GPC5: variants seen among roughly 807,000 people sequenced by gnomAD.
The protein encoded by GPC5 is glypican-5.
GPC5 carries 47 observed loss-of-function variants against 53.9 expected under a neutral mutation model. The ratio of observed to expected loss-of-function variants is 0.87; its 90% CI spans 0.69 to 1.11. GPC5 has a LOEUF of 1.11. Among genes scored for constraint, GPC5 ranks in the 50% most tolerant of loss-of-function variants. GPC5 has a pLI of 0.00. For synonymous variants in GPC5, 286 were observed against 263.3 expected (o/e 1.09, Z -0.84); for missense variants, 748 against 713.1 (o/e 1.05, Z -0.56).
intron 7 of GPC5, chr13:92,701,428 C>A (rs1887735017): frequency 6.6e-6 from 1 of 152,042 alleles, no homozygotes; most frequent in Non-Finnish European, 1.5e-5. Context: ...TTTACAAAAT[C>A]CAGATATTAT....
intron 7 of GPC5, among the ~76,000 whole-genome samples, chr13:92,555,750 T>C (rs1167495770): frequency 1.3e-5 from 2 of 149,718 alleles, no homozygotes; most frequent in Non-Finnish European, 3.0e-5. Flanking sequence ...TATACATTAA[T>C]ACAGTAGATA....
intron 7 of GPC5, among the ~76,000 whole-genome samples, chr13:92,676,421 A>G (rs1459255250): frequency 1.3e-5 from 2 of 152,202 alleles, no homozygotes; most frequent in African/African-American, 4.8e-5. Flanking sequence ...CATCACAGTA[A>G]GATATTGCTG....
chr13:91,854,699 A>G (rs932475016), intron 5 of GPC5, among the ~76,000 whole-genome samples: 1 of 151,840 alleles, frequency 6.6e-6, no homozygotes, highest in East Asian at 1.9e-4. Context: ...TAGAAATTAA[A>G]TTCATTTTTA....
chr13:92,259,547 A>T (rs9523558), intron 7 of GPC5, among the ~76,000 whole-genome samples: 87,301 of 151,872 alleles, frequency 0.57, 25,293 homozygotes, highest in South Asian at 0.65. Flanking sequence ...TGAATAGTCT[A>T]CCCTATCATT....
intron 7 of GPC5, among the ~76,000 whole-genome samples, chr13:92,472,581 G>T (rs1180245811): frequency 6.6e-6 from 1 of 152,054 alleles, no homozygotes; most frequent in Non-Finnish European, 1.5e-5. Flanking sequence ...GTCAGTCAAT[G>T]AATACTTTAC....
chr13:92,482,583 A>G (rs750249006), intron 7 of GPC5, among the ~76,000 whole-genome samples: 3 of 152,144 alleles, frequency 2.0e-5, no homozygotes, highest in Non-Finnish European at 4.4e-5. Context: ...TTCCCCCCTT[A>G]AATACTACTA....
chr13:91,593,841 G>A (rs1293515021), intron 2 of GPC5, among the ~76,000 whole-genome samples: 2 of 151,070 alleles, frequency 1.3e-5, no homozygotes, highest in African/African-American at 4.9e-5. Flanking sequence ...AATAATGTGT[G>A]GCCTGATAAA....
chr13:92,818,190 C>G lies in GPC5; in HGVS notation c.1562-48092C>G, dbSNP rs114930778. 8.3e-4 allele frequency among the ~76,000 whole-genome samples: 126 copies of G among 151,424 alleles called. 1 individual carries two copies. The highest frequency in any genetic ancestry group is 2.9e-3 in the African/African-American group (120 of 41,180). ...ACTGCACCTGGCTAATTTTTGTCTT[C>G]AGTAAAGATGGGGTTCACCATATTG... On this transcript the variant is annotated intron_variant, in intron 7 of 7. Transcript: ENST00000377067.
At chr13:92,793,021 T>C (rs1426127892) in intron 7 of GPC5, among the ~76,000 whole-genome samples, 1 of 152,148 alleles carries the variant, frequency 6.6e-6, no homozygotes, top group Non-Finnish European at 1.5e-5. Flanking sequence ...AACTCAGCTC[T>C]GCACCAAGCT....
chr13:91,642,596 A>ACCAACAATT (rs1242459597), intron 2 of GPC5, among the ~76,000 whole-genome samples: 1 of 152,130 alleles, frequency 6.6e-6, no homozygotes, highest in African/African-American at 2.4e-5. Flanking sequence ...ATTTGGTGAC[A>ACCAACAATT]TGGAGGTGAT....
chr13:91,399,266 C>A (rs571095395), intron 1 of GPC5, 57 bp downstream of exon 1: 149 of 1,564,406 alleles, frequency 9.5e-5, no homozygotes, highest in Middle Eastern at 1.8e-4. Flanking sequence ...GCCTTCGCTC[C>A]CCCAGGCTCC....
chr13:92,188,007 GA>G, intron 7 of GPC5, among the ~76,000 whole-genome samples: 1 of 152,082 alleles, frequency 6.6e-6, no homozygotes, highest in East Asian at 1.9e-4. Flanking sequence ...ATTTCATTCT[GA>G]AACCCATTTA....
At chr13:92,499,099 A>G (rs1171246193) in intron 7 of GPC5, among the ~76,000 whole-genome samples, 1 of 152,164 alleles carries the variant, frequency 6.6e-6, no homozygotes, top group South Asian at 2.1e-4. Flanking sequence ...TGTCCTTAAC[A>G]TAGAAAAAAT....
chr13:92,208,287 G>A (rs1474634081), intron 7 of GPC5, among the ~76,000 whole-genome samples: 3 of 152,160 alleles, frequency 2.0e-5, no homozygotes, highest in East Asian at 1.9e-4. Flanking sequence ...ATGGGGTCCC[G>A]CCCCATATGG....
chr13:92,019,421 A>G (rs2040737478), intron 6 of GPC5, among the ~76,000 whole-genome samples: 1 of 152,114 alleles, frequency 6.6e-6, no homozygotes, highest in East Asian at 1.9e-4. Flanking sequence ...GTGTGTGTGT[A>G]TATAATTTGA....
intron 7 of GPC5, among the ~76,000 whole-genome samples, chr13:92,242,266 C>T (rs2042618640): frequency 6.6e-6 from 1 of 151,442 alleles, no homozygotes; most frequent in Admixed American, 6.6e-5. Context: ...TTCAGTTCAC[C>T]AAGCCCACCA....
At chr13:91,637,557 T>C (rs1006806566) in intron 2 of GPC5, among the ~76,000 whole-genome samples, 1 of 152,088 alleles carries the variant, frequency 6.6e-6, no homozygotes. Flanking sequence ...CAAGAAGTGA[T>C]AGTTGAGTTC....
intron 6 of GPC5, among the ~76,000 whole-genome samples, chr13:92,003,171 C>G (rs139668257): frequency 6.6e-6 from 1 of 151,624 alleles, no homozygotes; most frequent in Middle Eastern, 3.2e-3. Flanking sequence ...ATTAGCTGGG[C>G]GTGGTGGTGC....
intron 7 of GPC5, among the ~76,000 whole-genome samples, chr13:92,750,704 C>A (rs1889363535): frequency 6.6e-6 from 1 of 152,178 alleles, no homozygotes; most frequent in African/African-American, 2.4e-5. Flanking sequence ...TTTAACCTGT[C>A]ATCCAAAAGA....
Sources: gnomAD v4.1 joint callset for allele counts (sites outside exome capture counted in the v4.1 genomes callset) on GRCh38, gnomAD v4.1.1 for gene constraint, MANE v1.5 for transcripts, NCBI Gene and HGNC (gene_info 2026-07-23, HGNC 2026-07-21) for gene names.